COG1: variants seen among roughly 807,000 people sequenced by gnomAD.
COG1 encodes conserved oligomeric Golgi complex subunit 1.
COG1 carries 61 observed loss-of-function variants against 102.2 expected under a neutral mutation model. That is an observed-to-expected ratio of 0.60 (90% CI 0.49 to 0.74). The LOEUF is 0.74. COG1 is among the 30% of genes least tolerant of loss of function. The pLI, the probability that COG1 is intolerant of heterozygous loss-of-function variation, is 0.00. For missense variants in COG1, 1,164 were observed against 1,232.1 expected (o/e 0.94, Z 0.83); for synonymous variants, 454 against 493.6 (o/e 0.92, Z 1.06).
chr17:73,206,296 G>C, intron 11 of COG1, 34 bp downstream of exon 11: 1 of 1,497,188 alleles, frequency 6.7e-7, no homozygotes, highest in Non-Finnish European at 9.3e-7. Context: ...TAGTGCGAAC[G>C]AAGCGATACA....
At chr17:73,208,256 G>T in intron 13 of COG1, 58 bp from the exon 14 acceptor site, 1 of 1,610,516 alleles carries the variant, frequency 6.2e-7, no homozygotes. Context: ...CGCGGAGGGC[G>T]AGTGGGCAGG....
chr17:73,201,622 C>A lies in COG1; in HGVS notation c.1795C>A (p.Gln599Lys), dbSNP rs1175892766. The stretch of plus-strand genomic sequence containing the variant: ...GAGCATTGAAGAGGGTGTGCAAGGG[C>A]AACAGGATGCCCTCAACAGTGCCAA... ...LQSIEEGVQG[Q>K]QDALNSAKLH... The change falls in exon 7 of 14, where the codon CAA becomes AAA. Residue 599 changes from glutamine (Q) to lysine (K), a missense_variant. Physicochemically the swap from Gln to Lys is moderately conservative, Grantham distance 53. Coordinates refer to ENST00000299886, the MANE Select transcript of COG1 (RefSeq NM_018714.3). 1.2e-6 allele frequency: 2 copies of A among 1,614,094 alleles called. No individual in the cohort carries two copies. The highest frequency in any genetic ancestry group is 3.3e-5 in the Admixed American group (2 of 60,002).
rs1263861895 is a variant in COG1 at position 73,193,060 on chromosome 17, C to T, written c.-10C>T. The T allele has an allele frequency of 1.4e-6, 2 of 1,440,534 alleles. No individual in the cohort carries two copies. Among genetic ancestry groups the T allele is most frequent in the East Asian group, 3.7e-5 (1 of 26,714 alleles). The allele number at this position is 1,440,534 out of a possible 1,614,324, so 89.2% of individuals were successfully genotyped here. A position where few individuals can be genotyped will look rare whatever the true frequency, so the allele number is the denominator to read the frequency against. ...GCGTAGGTAGATCGCCGGGGGCTGA[C>T]GAGTGCACCATGGCCACCGCGGCAA... On this transcript the variant is annotated 5_prime_UTR_variant, in exon 1 of 14. The change creates a new upstream start codon in the 5' untranslated region. Transcript: ENST00000299886.
chr17:73,201,265 C>T lies in COG1; in HGVS notation c.1438C>T (p.Pro480Ser). Residue 480 changes from proline (P) to serine (S), a missense_variant, in exon 7 of 14, where the codon CCT (proline) becomes TCT (serine). Pro to Ser is a moderately conservative substitution (Grantham distance 74). Transcript: ENST00000299886. ...NMSLFLWSES[P>S]NDLPSDAAWV... ...GTCGCTCTTCCTCTGGTCTGAGAGTCCTAATGACCTGCCTTCCGATGCGGC... is the reference window on the plus strand; with the variant it reads ...GTCGCTCTTCCTCTGGTCTGAGAGTTCTAATGACCTGCCTTCCGATGCGGC... 1 of 1,614,222 alleles carries T rather than the reference C, an allele frequency of 6.2e-7. No individual in the cohort carries two copies. Among genetic ancestry groups the T allele is most frequent in the Non-Finnish European group, 8.5e-7 (1 of 1,180,042 alleles).
intron 7 of COG1, 27 bp from the exon 8 acceptor site, chr17:73,202,973 G>A (rs201209245): frequency 1.2e-6 from 2 of 1,605,406 alleles, no homozygotes; most frequent in Non-Finnish European, 1.7e-6. Context: ...TGAGTGGCTT[G>A]TATGGATATC....
At chr17:73,199,013 C>T (rs2061335946) in intron 4 of COG1, among the ~76,000 whole-genome samples, 1 of 152,184 alleles carries the variant, frequency 6.6e-6, no homozygotes, top group Non-Finnish European at 1.5e-5. Context: ...GTACCTCATC[C>T]CACTCAGGAA....
chr17:73,208,162 G>C (rs1221986232), intron 13 of COG1, 152 bp from the exon 14 acceptor site: 20 of 1,529,566 alleles, frequency 1.3e-5, no homozygotes, highest in Non-Finnish European at 1.7e-5. Context: ...CTTCAAATCT[G>C]GACCGACAGC....
chr17:73,205,402 G>T (rs1326275926), intron 9 of COG1, 151 bp from the exon 10 acceptor site: 2 of 804,266 alleles, frequency 2.5e-6, no homozygotes, highest in Admixed American at 1.9e-5. Flanking sequence ...AATTTGTTTT[G>T]TTGTTGTGAG....
rs57965299 is a variant in COG1, at chr17:73,207,092, CAAA to C, written c.2730-69_2730-67del. 4,223 of 830,106 alleles carry C rather than the reference CAAA, an allele frequency of 5.1e-3. 26 individuals carry two copies. The highest frequency in any genetic ancestry group is 0.041 in the African/African-American group (1,619 of 39,972). 51.4% of individuals were successfully genotyped at this position (830,106 alleles called of 1,614,324 possible). A position where few individuals can be genotyped will look rare whatever the true frequency, so the allele number is the denominator to read the frequency against. ...TGGGCGACAGAACGAGACTCTGTCT[CAAA>C]AAAAAAAAAAAAAAAAAAATGAGGC... On this transcript the variant is annotated intron_variant, in intron 12 of 13. Transcript: ENST00000299886.
chr17:73,200,162 G>A (rs1211165650), intron 5 of COG1, 141 bp downstream of exon 5: 2 of 1,021,878 alleles, frequency 2.0e-6, no homozygotes, highest in Non-Finnish European at 3.0e-6. Flanking sequence ...CTCTCACTCT[G>A]TGACCCATTG....
Position 73,208,040 on chromosome 17 carries a change from A to G in COG1, c.2806-274A>G, listed in dbSNP as rs1281218067. On this transcript the variant is annotated intron_variant, in intron 13 of 13. Coordinates refer to ENST00000299886, the MANE Select transcript of COG1 (RefSeq NM_018714.3). ...CTGCAGTGATCTTTCAGTTCTGCCC[A>G]CATTAGGTTAGCAGGCTGTGGAGAG... 2.2e-6 allele frequency: 3 copies of G among 1,354,098 alleles called. 1 individual carries two copies. The highest frequency in any genetic ancestry group is 3.1e-5 in the East Asian group (1 of 31,814). The allele number at this position is 1,354,098 out of a possible 1,614,324, so 83.9% of individuals were successfully genotyped here. A position where few individuals can be genotyped will look rare whatever the true frequency, so the allele number is the denominator to read the frequency against.
chr17:73,207,409 G>A (rs2061382820), intron 13 of COG1, 153 bp downstream of exon 13: 6 of 789,204 alleles, frequency 7.6e-6, no homozygotes, highest in Middle Eastern at 2.2e-4. Context: ...AGAAGTACAA[G>A]GTTTTACTAG....
rs2061356551 is a variant in COG1, at chr17:73,203,727, G to A, written c.2316G>A (p.Met772Ile). ...HALPKVTLQE[M>I]LKSCMVQVVA... ...TGCCAAAGGTGACATTACAGGAGAT[G>A]CTGAAAAGCTGTATGGTTCAAGTAG... The change falls in exon 9 of 14, where the codon ATG becomes ATA. Residue 772 changes from methionine (M) to isoleucine (I), a missense_variant. Coordinates refer to ENST00000299886, the MANE Select transcript of COG1 (RefSeq NM_018714.3). 1.9e-6 allele frequency: 3 copies of A among 1,614,102 alleles called. No homozygotes were observed. The highest frequency in any genetic ancestry group is 1.7e-5 in the Admixed American group (1 of 60,008).
chr17:73,207,155 C>A, intron 12 of COG1, 26 bp from the exon 13 acceptor site: 2 of 1,571,710 alleles, frequency 1.3e-6, no homozygotes, highest in Non-Finnish European at 1.7e-6. Context: ...GTTTGTGCTA[C>A]TAAATTCTTT....
intron 2 of COG1, 35 bp downstream of exon 2, chr17:73,196,786 G>T: frequency 2.5e-6 from 4 of 1,614,098 alleles, no homozygotes; most frequent in Non-Finnish European, 3.4e-6. Context: ...TGCTCTGGTG[G>T]TGGCCAGGCT....
intron 1 of COG1, among the ~76,000 whole-genome samples, chr17:73,194,514 A>G (rs1462305854): frequency 7.0e-6 from 1 of 141,866 alleles, no homozygotes; most frequent in Non-Finnish European, 1.5e-5. Context: ...CCCAGGCTGG[A>G]GTGCAGTGGC....
chr17:73,202,918 T>A (rs1360394000), intron 7 of COG1, 82 bp from the exon 8 acceptor site: 1 of 1,477,284 alleles, frequency 6.8e-7, no homozygotes, highest in Admixed American at 1.7e-5. Context: ...CTTGAGCTGT[T>A]CTCAGGATTA....
At chr17:73,204,936 G>T (rs1294459580) in intron 9 of COG1, among the ~76,000 whole-genome samples, 1 of 152,180 alleles carries the variant, frequency 6.6e-6, no homozygotes, top group Non-Finnish European at 1.5e-5. Context: ...GCCAAGGCGG[G>T]TGGATCACTT....
rs1162096714 is a variant in COG1 at position 73,201,100 on chromosome 17, C to T, written c.1282-9C>T. 1 of 1,611,966 alleles carries T rather than the reference C, an allele frequency of 6.2e-7. No homozygotes were observed. Among genetic ancestry groups the T allele is most frequent in the Non-Finnish European group, 8.5e-7 (1 of 1,178,324 alleles). On this transcript the variant is annotated splice_polypyrimidine_tract_variant and intron_variant, in intron 6 of 13. Transcript: ENST00000299886. ...CTGTGATTAGAACTCTTCTCTCATT[C>T]TCTTTTAGACTCTGACAAAAGAAGG...
Sources: allele counts gnomAD v4.1 joint callset (sites outside exome capture counted in the v4.1 genomes callset), GRCh38; gene constraint gnomAD v4.1.1; transcripts MANE v1.5; gene names NCBI Gene and HGNC (gene_info 2026-07-23, HGNC 2026-07-21).